Variants in ZFTA observed in about 807,000 individuals in gnomAD.
ZFTA encodes zinc finger translocation-associated protein.
ZFTA carries 35 observed loss-of-function variants against 41.8 expected under a neutral mutation model. The ratio of observed to expected loss-of-function variants is 0.84; its 90% confidence interval spans 0.64 to 1.11. The LOEUF is 1.11. Ranked by LOEUF, ZFTA falls within the 50% of genes most tolerant of loss-of-function variation. ZFTA has a pLI of 0.00. For missense variants in ZFTA, 964 were observed against 989.8 expected, an observed-to-expected ratio of 0.97 and a Z score of 0.35; for synonymous variants, 514 against 436.4, an observed-to-expected ratio of 1.18 and a Z score of -2.22.
intron 4 of ZFTA, 39 bp from the exon 5 acceptor site, chr11:63,763,908 G>T: frequency 1.4e-6 from 2 of 1,399,504 alleles, no homozygotes. Flanking sequence ...GACGGCGGGG[G>T]GCAGCGGGCT....
At position 63,765,746 on chromosome 11, in the gene ZFTA, G is replaced by A. The variant is rs2014733648; in HGVS notation, c.637+61C>T. On this transcript the variant is annotated intron_variant, in intron 2 of 4. Transcript: ENST00000433688. The surrounding 1 kb of genome is among the most constrained non-coding windows in gnomAD (Gnocchi z 4.0). ...CACCAGCTCCTTGGCAGAGCAGCTG[G>A]CCCACTGTGCCCCACTGGCCACCCA... The A allele has an allele frequency of 2.1e-6, 3 of 1,429,078 alleles. No homozygotes were observed. The highest frequency in any genetic ancestry group is 2.7e-6 in the Non-Finnish European group (3 of 1,094,264). 88.5% of individuals were successfully genotyped at this position (1,429,078 alleles called of 1,614,324 possible).
At position 63,768,589 on chromosome 11, in the gene ZFTA, TGCTCCG is replaced by T; in HGVS notation, c.28_33del (p.Arg10_Ser11del). On this transcript the variant is annotated inframe_deletion, in exon 1 of 5. Transcript: ENST00000433688. ...GGCCCGGGGCCGCCCCTGCCGCCGC[TGCTCCG>T]GCTCCGGTGGTCCCCGCCGGGCTCC... 9.6e-7 allele frequency: 1 copy of T among 1,038,390 alleles called. No individual in the cohort carries two copies. The highest frequency in any genetic ancestry group is 1.2e-6 in the Non-Finnish European group (1 of 867,970). The allele number at this position is 1,038,390 out of a possible 1,614,324, so 64.3% of individuals were successfully genotyped here.
In ZFTA at chr11:63,763,076, C is replaced by T. The variant is rs763992556; in HGVS notation, c.*342G>A. On this transcript the variant is annotated 3_prime_UTR_variant, in exon 5 of 5. Coordinates refer to ENST00000433688, the MANE Select transcript of ZFTA (RefSeq NM_001144936.2). Reference sequence around the variant, plus strand: ...CCCCAGTCCCGGCCTGCGGAGAACCCCCTCGCGGGGTGCGGCCGGGAGCGC... The same window carrying T: ...CCCCAGTCCCGGCCTGCGGAGAACCTCCTCGCGGGGTGCGGCCGGGAGCGC... The T allele has an allele frequency of 1.2e-4, 18 of 155,462 alleles. No homozygotes were observed. The highest frequency in any genetic ancestry group is 2.4e-4 in the Non-Finnish European group (17 of 70,074). The allele number at this position is 155,462 out of a possible 1,614,324, so 9.6% of individuals were successfully genotyped here. A position where few individuals can be genotyped will look rare whatever the true frequency, so the allele number is the denominator to read the frequency against.
In ZFTA at chr11:63,764,319, C is replaced by A; in HGVS notation, c.1304G>T (p.Arg435Leu). ...EYLMELDGGR[R>L]GLVCGVCGGA... ...CCCGCACACCCCGCACACCAGGCCG[C>A]GCCGGCCGCCGTCCAACTCCATGAG... is the stretch of plus-strand genomic sequence containing the variant. Residue 435 changes from arginine (R) to leucine (L), a missense_variant, in exon 4 of 5, where the codon CGC (arginine) becomes CTC (leucine). Physicochemically the swap from Arg to Leu is moderately radical, Grantham distance 102 (BLOSUM62 -2). This residue lies in a region of ZFTA where 584 missense variants were observed against 523.1 expected (regional missense o/e 1.12). Coordinates refer to ENST00000433688, the MANE Select transcript of ZFTA (RefSeq NM_001144936.2). 1 of 1,382,598 alleles carries A rather than the reference C, an allele frequency of 7.2e-7. No individual in the cohort carries two copies. The highest frequency in any genetic ancestry group is 9.3e-7 in the Non-Finnish European group (1 of 1,073,428). The allele number at this position is 1,382,598 out of a possible 1,614,324, so 85.6% of individuals were successfully genotyped here.
chr11:63,763,875 G>A lies in ZFTA; in HGVS notation c.1586-6C>T, dbSNP rs2135092630. On this transcript the variant is annotated splice_polypyrimidine_tract_variant and splice_region_variant and intron_variant, in intron 4 of 4. Transcript: ENST00000433688. ...AGGGGACAGCGGAACGTCGCCTAAG[G>A]AGGGACAAAGGACCGCATTGGCGAC... is the stretch of plus-strand genomic sequence containing the variant. 2.1e-6 allele frequency: 3 copies of A among 1,420,936 alleles called. No individual in the cohort carries two copies. The South Asian group carries it at 4.7e-5, about 22-fold the overall frequency. The allele number at this position is 1,420,936 out of a possible 1,614,324, so 88.0% of individuals were successfully genotyped here. A position where few individuals can be genotyped will look rare whatever the true frequency, so the allele number is the denominator to read the frequency against.
rs369139586 is a variant in ZFTA, at chr11:63,765,152, C to T, written c.740G>A (p.Gly247Asp). 97 of 1,545,920 alleles carry T rather than the reference C, an allele frequency of 6.3e-5. 1 individual carries two copies. In the Middle Eastern group the frequency reaches 1.1e-3, roughly 17 times the overall value. Residue 247 changes from glycine (G) to aspartate (D), a missense_variant, in exon 3 of 5, where the codon GGC becomes GAC. Transcript: ENST00000433688. This position sits in a 1 kb window ranked among gnomAD's most constrained non-coding sequence, Gnocchi z 4.0. ...LRLSASRRAG[G>D]SRGLGARRLE... Reference sequence around the variant, plus strand: ...GCGCCGGGCCCCCAGCCCCCTGCTGCCCCCGGCCCTCCGGGAGGCTGAGAG... The same window carrying T: ...GCGCCGGGCCCCCAGCCCCCTGCTGTCCCCGGCCCTCCGGGAGGCTGAGAG...
At position 63,765,933 on chromosome 11, in the gene ZFTA, G is replaced by A. The variant is rs1168999707; in HGVS notation, c.511C>T (p.Leu171=). 1.3e-6 allele frequency: 2 copies of A among 1,551,692 alleles called. No individual in the cohort carries two copies. The highest frequency in any genetic ancestry group is 2.4e-5 in the East Asian group (1 of 40,926). Reference sequence around the variant, plus strand: ...GCCTCTCCGCAGGCCCCCAGCCCCAGGTGTGCATCCCAGCTGTTGCTGATG... The same window carrying A: ...GCCTCTCCGCAGGCCCCCAGCCCCAAGTGTGCATCCCAGCTGTTGCTGATG... The part of the protein sequence containing the change: ...EVISNSWDAH[L]GLGACGEAEG... Residue 171 remains leucine (L), a synonymous_variant, in exon 2 of 5, where the codon CTG becomes TTG. Coordinates refer to ENST00000433688, the MANE Select transcript of ZFTA (RefSeq NM_001144936.2). The surrounding 1 kb of genome is among the most constrained non-coding windows in gnomAD (Gnocchi z 4.0).
In ZFTA at chr11:63,761,774, C is replaced by T. The variant is rs575290868; in HGVS notation, c.*1644G>A. On this transcript the variant is annotated 3_prime_UTR_variant, in exon 5 of 5. Transcript: ENST00000433688. Reference sequence around the variant, plus strand: ...AAAATCCGTGGTATAAAATCCAACTCCCAAACAGGAAGCGTCAAGGGGACT... The same window carrying T: ...AAAATCCGTGGTATAAAATCCAACTTCCAAACAGGAAGCGTCAAGGGGACT... 9.8e-5 allele frequency: 15 copies of T among 152,362 alleles called. No homozygotes were observed. Among genetic ancestry groups the T allele is most frequent in the African/African-American group, 3.6e-4 (15 of 41,576 alleles). 9.4% of individuals were successfully genotyped at this position (152,362 alleles called of 1,614,324 possible).
rs933550625 is a variant in ZFTA at position 63,762,845 on chromosome 11, G to A, written c.*573C>T. The A allele has an allele frequency of 7.2e-5, 11 of 152,046 alleles. No individual in the cohort carries two copies. Among genetic ancestry groups the A allele is most frequent in the African/African-American group, 2.4e-4 (10 of 41,426 alleles). 9.4% of individuals were successfully genotyped at this position (152,046 alleles called of 1,614,324 possible). A position where few individuals can be genotyped will look rare whatever the true frequency, so the allele number is the denominator to read the frequency against. On this transcript the variant is annotated 3_prime_UTR_variant, in exon 5 of 5. Transcript: ENST00000433688. The stretch of plus-strand genomic sequence containing the variant: ...CACCCCGGGAAGGCTCCCGAGCCCT[G>A]CGGCCCAGCCTCCCGCTGGAAGCCC...
Position 63,765,203 on chromosome 11 carries a change from A to T in ZFTA, c.689T>A (p.Val230Glu). The change falls in exon 3 of 5, where the codon GTG becomes GAG. Residue 230 changes from valine (V) to glutamate (E), a missense_variant. Transcript: ENST00000433688. This position sits in a 1 kb window ranked among gnomAD's most constrained non-coding sequence, Gnocchi z 4.0. ...GCGCAGACGCCGAGCCCGGGGTGCC[A>T]CTGGGCCCCCTCGCCGCTGGCGCCG... The part of the protein sequence containing the change: ...GCRRQRRGGP[V>E]APRARRLRLS... 1 of 1,487,864 alleles carries T rather than the reference A, an allele frequency of 6.7e-7. No homozygotes were observed. Among genetic ancestry groups the T allele is most frequent in the Non-Finnish European group, 8.9e-7 (1 of 1,124,636 alleles). 92.2% of individuals were successfully genotyped at this position (1,487,864 alleles called of 1,614,324 possible).
Position 63,761,171 on chromosome 11 carries a change from C to T in ZFTA, c.*2247G>A, listed in dbSNP as rs1386923479. 1 of 152,182 alleles carries T rather than the reference C, an allele frequency of 6.6e-6. No individual in the cohort carries two copies. Among genetic ancestry groups the T allele is most frequent in the African/African-American group, 2.4e-5 (1 of 41,440 alleles). 9.4% of individuals were successfully genotyped at this position (152,182 alleles called of 1,614,324 possible). The stretch of plus-strand genomic sequence containing the variant: ...TGGTGCCATCCATAATCTCCGTTCT[C>T]AAGCTTTTAATACTGTCTCAAAAAC... On this transcript the variant is annotated 3_prime_UTR_variant, in exon 5 of 5. Transcript: ENST00000433688.
chr11:63,764,761 C>T, intron 3 of ZFTA, 107 bp downstream of exon 3: 1 of 1,398,518 alleles, frequency 7.2e-7, no homozygotes, highest in Non-Finnish European at 9.3e-7. Context: ...AGCACCAGCT[C>T]CTGGCCTTCA....
At position 63,762,475 on chromosome 11, in the gene ZFTA, G is replaced by T. The variant is rs2014659526; in HGVS notation, c.*943C>A. 1 of 152,176 alleles carries T rather than the reference G, an allele frequency of 6.6e-6. No homozygotes were observed. Among genetic ancestry groups the T allele is most frequent in the South Asian group, 2.1e-4 (1 of 4,832 alleles). The allele number at this position is 152,176 out of a possible 1,614,324, so 9.4% of individuals were successfully genotyped here. On this transcript the variant is annotated 3_prime_UTR_variant, in exon 5 of 5. Coordinates refer to ENST00000433688, the MANE Select transcript of ZFTA (RefSeq NM_001144936.2). ...GGCTGCCACGGGGAAAAGAGGCCGA[G>T]GCCCGGCCCCAGGCCCTGCGGGTTG...
At position 63,764,287 on chromosome 11, in the gene ZFTA, G is replaced by A. The variant is rs1305941204; in HGVS notation, c.1336C>T (p.Leu446=). ...GLVCGVCGGA[L]ASLKMSTIER... ...ATGGTGCTCATCTTGAGCGAGGCCA[G>A]CGCGCCCCCGCACACCCCGCACACC... Residue 446 remains leucine (L), a synonymous_variant, in exon 4 of 5, where the codon CTG becomes TTG. Coordinates refer to ENST00000433688, the MANE Select transcript of ZFTA (RefSeq NM_001144936.2). The A allele has an allele frequency of 3.8e-5, 55 of 1,457,098 alleles. 2 individuals carry two copies. In the East Asian group the frequency reaches 1.6e-3, roughly 43 times the overall value. 90.3% of individuals were successfully genotyped at this position (1,457,098 alleles called of 1,614,324 possible).
Position 63,763,477 on chromosome 11 carries a change from C to G in ZFTA, c.1978G>C (p.Ala660Pro). The stretch of plus-strand genomic sequence containing the variant: ...GCGCCGCCGTCACGCGGCGCCGGGG[C>G]GGGCGGCCCGAAGCCCTCGTGGCCG... Reference protein sequence around the residue: ...CYGHEGFGPPAPAPRDGGADL... With the variant: ...CYGHEGFGPPPPAPRDGGADL... The change falls in exon 5 of 5, where the codon GCC (alanine) becomes CCC (proline). Residue 660 changes from alanine (A) to proline (P), a missense_variant. This residue lies in a region of ZFTA where 65 missense variants were observed against 58.9 expected (regional missense o/e 1.10). Transcript: ENST00000433688. 6.6e-7 allele frequency: 1 copy of G among 1,509,344 alleles called. No individual in the cohort carries two copies. Among genetic ancestry groups the G allele is most frequent in the Non-Finnish European group, 8.9e-7 (1 of 1,126,270 alleles). 93.5% of individuals were successfully genotyped at this position (1,509,344 alleles called of 1,614,324 possible). A position where few individuals can be genotyped will look rare whatever the true frequency, so the allele number is the denominator to read the frequency against.
At position 63,768,704 on chromosome 11, in the gene ZFTA, G is replaced by C; in HGVS notation, c.-82C>G. 1.6e-6 allele frequency: 1 copy of C among 641,040 alleles called. No individual in the cohort carries two copies. Among genetic ancestry groups the C allele is most frequent in the Non-Finnish European group, 1.9e-6 (1 of 519,046 alleles). 39.7% of individuals were successfully genotyped at this position (641,040 alleles called of 1,614,324 possible). Reference sequence around the variant, plus strand: ...CGGCAGCCCGCGCGGAGCGCTCGCTGCGCGGGGCCCCGGGGCGCGGGGCGC... The same window carrying C: ...CGGCAGCCCGCGCGGAGCGCTCGCTCCGCGGGGCCCCGGGGCGCGGGGCGC... On this transcript the variant is annotated 5_prime_UTR_variant, in exon 1 of 5. Coordinates refer to ENST00000433688, the MANE Select transcript of ZFTA (RefSeq NM_001144936.2).
At position 63,765,821 on chromosome 11, in the gene ZFTA, G is replaced by C. The variant is rs916683348; in HGVS notation, c.623C>G (p.Pro208Arg). ...EEEGAGVPACPPKGPGKAPAG... is the reference protein window; with the variant it reads ...EEEGAGVPACRPKGPGKAPAG... ...ATTTGCATTACCTGGGCCCTTGGGC[G>C]GGCAAGCTGGGACACCGGCCCCCTC... The change falls in exon 2 of 5, where the codon CCG becomes CGG. Residue 208 changes from proline to arginine, a missense_variant. By Grantham distance (103) the Pro-to-Arg change is moderately radical. This residue lies in a region of ZFTA where 141 missense variants were observed against 216.7 expected (regional missense o/e 0.65). Transcript: ENST00000433688. This position sits in a 1 kb window ranked among gnomAD's most constrained non-coding sequence, Gnocchi z 4.0. The C allele has an allele frequency of 6.7e-7, 1 of 1,482,690 alleles. No homozygotes were observed. Among genetic ancestry groups the C allele is most frequent in the South Asian group, 1.4e-5 (1 of 72,818 alleles). The allele number at this position is 1,482,690 out of a possible 1,614,324, so 91.8% of individuals were successfully genotyped here. A position where few individuals can be genotyped will look rare whatever the true frequency, so the allele number is the denominator to read the frequency against.
chr11:63,763,385 C>T lies in ZFTA; in HGVS notation c.*33G>A. 8.1e-7 allele frequency: 1 copy of T among 1,238,980 alleles called. No homozygotes were observed. Among genetic ancestry groups the T allele is most frequent in the Non-Finnish European group, 1.0e-6 (1 of 986,518 alleles). 76.7% of individuals were successfully genotyped at this position (1,238,980 alleles called of 1,614,324 possible). ...AGGGCGGGGCGGGGCCGATCCGACC[C>T]GACCCGACCTGACCCGGGGGCCCGC... On this transcript the variant is annotated 3_prime_UTR_variant, in exon 5 of 5. Coordinates refer to ENST00000433688, the MANE Select transcript of ZFTA (RefSeq NM_001144936.2).
rs977551006 is a variant in ZFTA at position 63,762,085 on chromosome 11, G to C, written c.*1333C>G. The C allele has an allele frequency of 6.6e-6, 1 of 152,372 alleles. No homozygotes were observed. The highest frequency in any genetic ancestry group is 2.1e-4 in the South Asian group (1 of 4,846). The allele number at this position is 152,372 out of a possible 1,614,324, so 9.4% of individuals were successfully genotyped here. A position where few individuals can be genotyped will look rare whatever the true frequency, so the allele number is the denominator to read the frequency against. On this transcript the variant is annotated 3_prime_UTR_variant, in exon 5 of 5. Transcript: ENST00000433688. ...CTGCAGCAGCCTGGCTTTGTGAAGA[G>C]CAGACAGTAGGGCCCGGAGTCTCCC...
Sources: gnomAD v4.1 joint callset for allele counts on GRCh38, gnomAD v4.1.1 for gene constraint, gnomAD v4.1.1 regional missense constraint, Gnocchi (gnomAD v3.1) non-coding constraint, MANE v1.5 for transcripts, NCBI Gene and HGNC (gene_info 2026-07-23, HGNC 2026-07-21) for gene names.